The following ZNF800 variants were observed in gnomAD, a reference collection of about 807,000 sequenced individuals.
ZNF800 encodes zinc finger protein 800.
In ZNF800, 13 loss-of-function variants were observed where a neutral mutation model predicts 59.5. That is an observed-to-expected ratio of 0.22 (90% CI 0.14 to 0.35). ZNF800 has a LOEUF of 0.35. ZNF800 is among the 10% of genes least tolerant of loss of function. The pLI is 1.00. For missense variants in ZNF800, 621 were observed against 783.7 expected, an observed-to-expected ratio of 0.79 and a Z score of 2.48; for synonymous variants, 266 against 265.7, an observed-to-expected ratio of 1.00 and a Z score of -0.01.
chr7:127,386,881 T>C (rs1341449791), intron 2 of ZNF800, among the ~76,000 whole-genome samples: 1 of 152,114 alleles, frequency 6.6e-6, no homozygotes, highest in Admixed American at 6.5e-5. Flanking sequence ...TAGAATATGA[T>C]CCCATTTACA....
At position 127,373,458 on chromosome 7, in the gene ZNF800, T is replaced by A; in HGVS notation, c.1878A>T (p.Ala626=). The change falls in exon 5 of 6, where the codon GCA becomes GCT. Residue 626 remains alanine, a synonymous_variant. Transcript: ENST00000265827. ...GTTCAAGGTAAGTCTTTTTGGCAAA[T>A]GCCTTTCCACATTTATTGCATCTGT... ...SLHRCNKCGK[A]FAKKTYLEHH... is the part of the protein sequence containing the mutation. The A allele has an allele frequency of 6.2e-7, 1 of 1,614,170 alleles. No individual in the cohort carries two copies. Among genetic ancestry groups the A allele is most frequent in the Non-Finnish European group, 8.5e-7 (1 of 1,180,018 alleles).
chr7:127,382,782 A>C (rs971055604), intron 3 of ZNF800, among the ~76,000 whole-genome samples: 5 of 152,252 alleles, frequency 3.3e-5, no homozygotes, highest in African/African-American at 1.2e-4. Flanking sequence ...CATTTGTGTA[A>C]GAAGAAAATG....
downstream of ZNF800, among the ~76,000 whole-genome samples, chr7:127,367,831 C>T (rs1800545962): frequency 6.6e-6 from 1 of 152,094 alleles, no homozygotes; most frequent in Admixed American, 6.6e-5. Context: ...AAGAGAGTCC[C>T]TGACATCAAA....
downstream of ZNF800, among the ~76,000 whole-genome samples, chr7:127,366,569 T>C (rs1800510781): frequency 6.6e-6 from 1 of 152,142 alleles, no homozygotes; most frequent in African/African-American, 2.4e-5. Context: ...ATTTTCTCAG[T>C]AGGGAAAGGA....
chr7:127,348,654 A>G (rs921902035), intron 1 of ZNF800, among the ~76,000 whole-genome samples: 1 of 152,272 alleles, frequency 6.6e-6, no homozygotes. Flanking sequence ...CACACGACAC[A>G]TCACATATGT....
At chr7:127,369,375 T>C (rs1587434206), downstream of ZNF800, among the ~76,000 whole-genome samples, 1 of 152,104 alleles carries the variant, frequency 6.6e-6, no homozygotes, top group Admixed American at 6.6e-5. Flanking sequence ...CACCTAAATA[T>C]GTGTTTATGT....
chr7:127,345,935 G>A (rs1800055846), downstream of ZNF800, among the ~76,000 whole-genome samples: 1 of 152,174 alleles, frequency 6.6e-6, no homozygotes, highest in African/African-American at 2.4e-5. Context: ...ACGAGGGAAG[G>A]TGTGGTTAAG....
At chr7:127,355,894 T>TA (rs917733471) in intron 1 of ZNF800, among the ~76,000 whole-genome samples, 6 of 150,062 alleles carry the variant, frequency 4.0e-5, no homozygotes, top group African/African-American at 1.5e-4. Context: ...AAATCACACT[T>TA]ACACAGGATG....
chr7:127,373,618 G>C lies in ZNF800; in HGVS notation c.1718C>G (p.Ala573Gly), dbSNP rs180822910. ...KPIDFVLNKV[A>G]KRGPSRDEAK... is the part of the protein sequence containing the mutation. The stretch of plus-strand genomic sequence containing the variant: ...TTCATCCCTCGAAGGGCCTCTTTTT[G>C]CCACTTTATTTAGAACAAAATCAAT... The change falls in exon 5 of 6, where the codon GCA becomes GGA. Residue 573 changes from alanine (A) to glycine (G), a missense_variant. Physicochemically the swap from Ala to Gly is moderately conservative, Grantham distance 60 (BLOSUM62 0). Coordinates refer to ENST00000265827, the MANE Select transcript of ZNF800 (RefSeq NM_176814.5). 1.8e-4 allele frequency: 285 copies of C among 1,614,012 alleles called. No homozygotes were observed. The highest frequency in any genetic ancestry group is 1.5e-3 in the Middle Eastern group (9 of 6,060).
downstream of ZNF800, among the ~76,000 whole-genome samples, chr7:127,368,020 G>T (rs997318018): frequency 2.0e-5 from 3 of 152,002 alleles, no homozygotes; most frequent in Admixed American, 1.3e-4. Flanking sequence ...CCCAAATTTG[G>T]TGTGGAGCAA....
intron 3 of ZNF800, among the ~76,000 whole-genome samples, chr7:127,384,887 C>G (rs1801092844): frequency 6.6e-6 from 1 of 152,068 alleles, no homozygotes; most frequent in African/African-American, 2.4e-5. Flanking sequence ...AACAAAAAAT[C>G]CCTAAAATAG....
chr7:127,355,915 A>G (rs949253365), intron 1 of ZNF800, among the ~76,000 whole-genome samples: 7 of 151,984 alleles, frequency 4.6e-5, no homozygotes, highest in Non-Finnish European at 1.0e-4. Context: ...TTTGGTAACC[A>G]TCTTCCAGTA....
chr7:127,387,219 T>C (rs543314799), intron 2 of ZNF800, among the ~76,000 whole-genome samples: 1 of 152,332 alleles, frequency 6.6e-6, no homozygotes, highest in African/African-American at 2.4e-5. Flanking sequence ...TCATCAGTTA[T>C]CAAATAGAGA....
downstream of ZNF800, among the ~76,000 whole-genome samples, chr7:127,345,302 C>CA (rs2116998644): frequency 6.6e-6 from 1 of 151,814 alleles, no homozygotes; most frequent in Non-Finnish European, 1.5e-5. Context: ...TAGACCCCCC[C>CA]CCCAAAGGTA....
rs1800734971 is a variant in ZNF800 at position 127,374,639 on chromosome 7, A to T, written c.697T>A (p.Cys233Ser). The change falls in exon 5 of 6, where the codon TGT becomes AGT. Residue 233 changes from cysteine (C) to serine (S), a missense_variant. By Grantham distance (112) the Cys-to-Ser change is moderately radical (BLOSUM62 -1). Around this residue, in one of 7 missense-constraint regions of ZNF800, gnomAD observed 218 missense variants for 230.8 expected, o/e 0.94. Transcript: ENST00000265827. ...NSDFGHQLICCLCRKEFNSRR... is the reference protein window; with the variant it reads ...NSDFGHQLICSLCRKEFNSRR... ...GAATTGAATTCTTTTCTACAAAGACAACATATCAACTGGTGACCAAAATCA... is the reference window on the plus strand; with the variant it reads ...GAATTGAATTCTTTTCTACAAAGACTACATATCAACTGGTGACCAAAATCA... The T allele has an allele frequency of 2.5e-6, 4 of 1,614,094 alleles. No individual in the cohort carries two copies. Among genetic ancestry groups the T allele is most frequent in the Non-Finnish European group, 3.4e-6 (4 of 1,179,950 alleles).
At chr7:127,362,184 C>G (rs1400530564) in intron 1 of ZNF800, 1 of 151,788 alleles carries the variant, frequency 6.6e-6, no homozygotes, top group Non-Finnish European at 1.5e-5. Flanking sequence ...ATATTTAGAC[C>G]AGGAAAAAAA....
intron 1 of ZNF800, chr7:127,361,355 A>G (rs909154793): frequency 3.9e-5 from 6 of 152,208 alleles, no homozygotes; most frequent in Admixed American, 6.5e-5. Context: ...AGTCAGGAGG[A>G]TTGCTTGAGG....
intron 1 of ZNF800, among the ~76,000 whole-genome samples, chr7:127,354,610 T>G (rs1346218863): frequency 1.3e-5 from 2 of 152,076 alleles, no homozygotes; most frequent in Non-Finnish European, 2.9e-5. Context: ...ACTTCTTGCC[T>G]CTGGGGAAGG....
In ZNF800 at chr7:127,371,637, A is replaced by T. The variant is rs1562902456; in HGVS notation, c.*177T>A. 2.0e-6 allele frequency: 1 copy of T among 491,430 alleles called. No individual in the cohort carries two copies. The highest frequency in any genetic ancestry group is 3.4e-5 in the East Asian group (1 of 29,810). The allele number at this position is 491,430 out of a possible 1,614,324, so 30.4% of individuals were successfully genotyped here. Reference sequence around the variant, plus strand: ...TGCTGGAATAGGCAGTGCCTTAGAAACAAGTGGTTAGATGGTTATTTTAGT... The same window carrying T: ...TGCTGGAATAGGCAGTGCCTTAGAATCAAGTGGTTAGATGGTTATTTTAGT... On this transcript the variant is annotated 3_prime_UTR_variant, in exon 6 of 6. Coordinates refer to ENST00000265827, the MANE Select transcript of ZNF800 (RefSeq NM_176814.5).
Sources: allele counts gnomAD v4.1 joint callset (sites outside exome capture counted in the v4.1 genomes callset), GRCh38; gene constraint gnomAD v4.1.1; regional missense constraint gnomAD v4.1.1; transcripts MANE v1.5; gene names NCBI Gene and HGNC (gene_info 2026-07-23, HGNC 2026-07-21).